Variants in ADAMTS6 observed in about 807,000 individuals in gnomAD.
ADAMTS6 encodes ADAM metallopeptidase with thrombospondin type 1 motif 6.
A neutral mutation model predicts 144.3 loss-of-function variants in ADAMTS6; 23 were observed. The observed-to-expected ratio is 0.16, with a 90% CI of 0.11 to 0.23. The LOEUF is 0.23. Ranked by LOEUF, ADAMTS6 falls within the 10% of genes least tolerant of loss-of-function variation. The pLI is 1.00. For missense variants in ADAMTS6, 999 were observed against 1,379.6 expected (o/e 0.72, Z 4.37); for synonymous variants, 444 against 457.5 (o/e 0.97, Z 0.38).
At chr5:65,424,237 G>C (rs1200887984) in intron 7 of ADAMTS6, among the ~76,000 whole-genome samples, 2 of 152,116 alleles carry the variant, frequency 1.3e-5, no homozygotes, top group Non-Finnish European at 2.9e-5. Context: ...ATCATGAAAA[G>C]AGAACAAATC....
At chr5:65,399,980 A>G (rs1753780998) in intron 7 of ADAMTS6, among the ~76,000 whole-genome samples, 1 of 151,984 alleles carries the variant, frequency 6.6e-6, no homozygotes, top group African/African-American at 2.4e-5. Flanking sequence ...CATCTGAGAA[A>G]GTCTTTATTT....
intron 22 of ADAMTS6, among the ~76,000 whole-genome samples, chr5:65,182,292 C>CA (rs201228042): frequency 1.1e-3 from 170 of 150,382 alleles, no homozygotes; most frequent in African/African-American, 3.5e-3. Context: ...ACTAAAAATA[C>CA]AAAAAAAAAT....
chr5:65,198,925 A>T (rs1755560164), intron 20 of ADAMTS6, among the ~76,000 whole-genome samples: 1 of 152,156 alleles, frequency 6.6e-6, no homozygotes, highest in African/African-American at 2.4e-5. Flanking sequence ...ATGTTCCATG[A>T]TATTCATCGG....
At chr5:65,236,471 T>A (rs947680724) in intron 15 of ADAMTS6, among the ~76,000 whole-genome samples, 2 of 152,026 alleles carry the variant, frequency 1.3e-5, no homozygotes, top group African/African-American at 2.4e-5. Flanking sequence ...ATTTTTCGTA[T>A]AGACAAGGTC....
rs143957828 is a variant in ADAMTS6, at chr5:65,155,230, T to C, written c.3245-3285A>G. Among the ~76,000 whole-genome samples, 3 of 152,280 alleles carry C rather than the reference T, an allele frequency of 2.0e-5. No individual in the cohort carries two copies. In the East Asian group the frequency reaches 5.8e-4, roughly 29 times the overall value. ...ATTTGTGTAAGGCACAACATAAACA[T>C]ATATTATATATATATGTTAATCCTT... On this transcript the variant is annotated intron_variant, in intron 24 of 24. Transcript: ENST00000381055.
At position 65,282,871 on chromosome 5, in the gene ADAMTS6, G is replaced by A. The variant is rs550544929; in HGVS notation, c.1512+8458C>T. 2.0e-4 allele frequency among the ~76,000 whole-genome samples: 31 copies of A among 152,198 alleles called. No individual in the cohort carries two copies. In the South Asian group the frequency reaches 6.4e-3, roughly 32 times the overall value. On this transcript the variant is annotated intron_variant, in intron 11 of 24. Transcript: ENST00000381055. ...ATAACCTTGGCCAAGAAGGAAGGTGGGGTCTAACGGTTGAGGAGCTTAGGA... is the reference window on the plus strand; with the variant it reads ...ATAACCTTGGCCAAGAAGGAAGGTGAGGTCTAACGGTTGAGGAGCTTAGGA...
At chr5:65,466,817 C>T (rs529455648) in intron 3 of ADAMTS6, among the ~76,000 whole-genome samples, 35 of 152,110 alleles carry the variant, frequency 2.3e-4, no homozygotes, top group African/African-American at 3.1e-4. Context: ...CCGAGGTGGG[C>T]GGATCACGAG....
chr5:65,160,482 T>C (rs1160971492), intron 24 of ADAMTS6, among the ~76,000 whole-genome samples: 2 of 151,572 alleles, frequency 1.3e-5, no homozygotes, highest in African/African-American at 2.4e-5. Context: ...AATTTTTTGT[T>C]TTTAGTAGAG....
intron 15 of ADAMTS6, among the ~76,000 whole-genome samples, chr5:65,228,459 C>T (rs181382893): frequency 8.3e-4 from 126 of 152,228 alleles, no homozygotes; most frequent in African/African-American, 2.9e-3. Context: ...ACTAGAGTGA[C>T]ATCAGCAAGA....
chr5:65,249,298 A>G lies in ADAMTS6; in HGVS notation c.1831-7092T>C, dbSNP rs184440057. Among the ~76,000 whole-genome samples the G allele has an allele frequency of 3.3e-3, 502 of 152,260 alleles. 2 individuals carry two copies. Among genetic ancestry groups the G allele is most frequent in the African/African-American group, 0.012 (490 of 41,542 alleles). On this transcript the variant is annotated intron_variant, in intron 14 of 24. Coordinates refer to ENST00000381055, the MANE Select transcript of ADAMTS6 (RefSeq NM_197941.4). ...TTAAGAGACAAAATGGTGGAGTATGACCTTCCAGGGTCACTCCACCAGAAA... is the reference window on the plus strand; with the variant it reads ...TTAAGAGACAAAATGGTGGAGTATGGCCTTCCAGGGTCACTCCACCAGAAA...
rs35444401 is a variant in ADAMTS6, at chr5:65,175,872, GAA to G, written c.2911-2866_2911-2865del. 5.5e-3 allele frequency among the ~76,000 whole-genome samples: 793 copies of G among 144,366 alleles called. 8 individuals are homozygous for G. The highest frequency in any genetic ancestry group is 0.015 in the African/African-American group (570 of 39,288). The allele number at this position is 144,366 out of a possible 152,430, so 94.7% of individuals were successfully genotyped here. On this transcript the variant is annotated intron_variant, in intron 22 of 24. Coordinates refer to ENST00000381055, the MANE Select transcript of ADAMTS6 (RefSeq NM_197941.4). ...GATGGTTCCTCCCAGGTAATTGAAG[GAA>G]AAAAAAAAAAAACATCTATACCAAT...
At position 65,408,250 on chromosome 5, in the gene ADAMTS6, A is replaced by T. The variant is rs1042296962; in HGVS notation, c.1073+43225T>A. 2.6e-4 allele frequency among the ~76,000 whole-genome samples: 40 copies of T among 152,168 alleles called. 1 individual carries two copies. On this transcript the variant is annotated intron_variant, in intron 7 of 24. Transcript: ENST00000381055. Reference sequence around the variant, plus strand: ...CCCATCAGTGTGCTGTATTCAGGAAACCCATGTTACGTGCAGAGACACACA... The same window carrying T: ...CCCATCAGTGTGCTGTATTCAGGAATCCCATGTTACGTGCAGAGACACACA...
intron 20 of ADAMTS6, among the ~76,000 whole-genome samples, chr5:65,198,299 T>C (rs1755517456): frequency 6.6e-6 from 1 of 151,618 alleles, no homozygotes; most frequent in Non-Finnish European, 1.5e-5. Flanking sequence ...ACCTAGCTAA[T>C]CCCACACAAT....
intron 15 of ADAMTS6, among the ~76,000 whole-genome samples, chr5:65,233,815 T>G (rs1224403088): frequency 2.0e-5 from 3 of 152,052 alleles, no homozygotes; most frequent in Non-Finnish European, 2.9e-5. Flanking sequence ...GGACTCCAGA[T>G]AGCCACAGCA....
chr5:65,327,886 T>G (rs961753745), intron 9 of ADAMTS6, among the ~76,000 whole-genome samples: 6 of 152,222 alleles, frequency 3.9e-5, no homozygotes, highest in Non-Finnish European at 8.8e-5. Context: ...TGTATGTTAC[T>G]TTTCCTAACC....
intron 7 of ADAMTS6, among the ~76,000 whole-genome samples, chr5:65,408,641 A>T (rs949872620): frequency 6.6e-6 from 1 of 152,210 alleles, no homozygotes; most frequent in Non-Finnish European, 1.5e-5. Flanking sequence ...GCTCTGCACC[A>T]AGCAGACCTA....
Position 65,188,212 on chromosome 5 carries a change from A to G in ADAMTS6, c.2714T>C (p.Ile905Thr), listed in dbSNP as rs1754791301. The G allele has an allele frequency of 6.2e-7, 1 of 1,613,660 alleles. No individual in the cohort carries two copies. The highest frequency in any genetic ancestry group is 8.5e-7 in the Non-Finnish European group (1 of 1,179,924). The change falls in exon 22 of 25, where the codon ATT becomes ACT. Residue 905 changes from isoleucine to threonine, a missense_variant. By Grantham distance (89) the Ile-to-Thr change is moderately conservative (BLOSUM62 -1). Transcript: ENST00000381055. The part of the protein sequence containing the change: ...NTEPCPPEWF[I>T]GDWLECSKTC... The stretch of plus-strand genomic sequence containing the variant: ...CTTGCTGCATTCCAACCAATCCCCA[A>G]TGAACCACCTGCAGCAAGACATGGA...
intron 11 of ADAMTS6, among the ~76,000 whole-genome samples, chr5:65,275,363 GAAAGAAAGAAAGAA>G (rs1561363953): frequency 1.6e-4 from 10 of 64,014 alleles, no homozygotes; most frequent in African/African-American, 5.2e-4. Flanking sequence ...GAGAAAGAAA[GAAAGAAAGAAAGAA>G]AGAAAGAAAG....
intron 10 of ADAMTS6, chr5:65,297,162 C>T (rs865938382): frequency 5.8e-5 from 26 of 451,966 alleles, no homozygotes; most frequent in African/African-American, 4.2e-4. Context: ...TCCATTTTAA[C>T]GGAAATGGGT....
Sources: gnomAD v4.1 joint callset for allele counts (sites outside exome capture counted in the v4.1 genomes callset) on GRCh38, gnomAD v4.1.1 for gene constraint, MANE v1.5 for transcripts, NCBI Gene and HGNC (gene_info 2026-07-23, HGNC 2026-07-21) for gene names.